The following DAGLB variants were observed in gnomAD, a reference collection of about 807,000 sequenced individuals.
DAGLB encodes diacylglycerol lipase beta, also known as diacylglycerol lipase-beta.
DAGLB carries 66 observed loss-of-function variants against 72.1 expected under a neutral mutation model. That is an observed-to-expected ratio of 0.92 (90% CI 0.75 to 1.12). The LOEUF is 1.12. DAGLB is among the 50% of genes most tolerant of loss of function. The probability of loss-of-function intolerance (pLI) is 0.00; values close to 1 mark genes in which losing one functional copy is unlikely to be tolerated. For synonymous variants in DAGLB, 414 were observed against 359.5 expected, an observed-to-expected ratio of 1.15 and a Z score of -1.71; for missense variants, 1,065 against 884.9, an observed-to-expected ratio of 1.20 and a Z score of -2.58.
At position 6,441,426 on chromosome 7, in the gene DAGLB, T is replaced by C. The variant is rs34580260; in HGVS notation, c.247+4527A>G. 3.5e-3 allele frequency among the ~76,000 whole-genome samples: 517 copies of C among 146,768 alleles called. 1 individual carries two copies. Among genetic ancestry groups the C allele is most frequent in the Non-Finnish European group, 5.2e-3 (346 of 66,710 alleles). The stretch of plus-strand genomic sequence containing the variant: ...AATTAAACAAACATTTTTTTCTTTT[T>C]TTTTTTTTTGAGACAGAGTCTCACT... On this transcript the variant is annotated intron_variant, in intron 2 of 14. Transcript: ENST00000297056.
At chr7:6,435,124 G>A (rs759531989) in intron 3 of DAGLB, 104 bp from the exon 4 acceptor site, 2 of 1,505,884 alleles carry the variant, frequency 1.3e-6, no homozygotes, top group Non-Finnish European at 1.8e-6. Flanking sequence ...CTCTACCACG[G>A]AGGGTTCTGT....
chr7:6,430,782 TCA>T (rs1209318389), intron 5 of DAGLB, among the ~76,000 whole-genome samples, 175 bp from the exon 6 acceptor site: 9 of 150,496 alleles, frequency 6.0e-5, no homozygotes, highest in African/African-American at 2.2e-4. Flanking sequence ...CATGGACTCC[TCA>T]TTTTTTTTTT....
chr7:6,409,664 C>T lies in DAGLB; in HGVS notation c.*173G>A. The T allele has an allele frequency of 1.3e-6, 1 of 786,698 alleles. No homozygotes were observed. The highest frequency in any genetic ancestry group is 2.0e-6 in the Non-Finnish European group (1 of 504,672). The allele number at this position is 786,698 out of a possible 1,614,324, so 48.7% of individuals were successfully genotyped here. On this transcript the variant is annotated 3_prime_UTR_variant, in exon 15 of 15. Coordinates refer to ENST00000297056, the MANE Select transcript of DAGLB (RefSeq NM_139179.4). Reference sequence around the variant, plus strand: ...TCACTACTTCTGCTACCATTATGGCCACAATGACTTCCCATAAACTTAAGT... The same window carrying T: ...TCACTACTTCTGCTACCATTATGGCTACAATGACTTCCCATAAACTTAAGT...
chr7:6,446,347 G>T (rs1356837960), intron 1 of DAGLB, among the ~76,000 whole-genome samples: 3 of 149,852 alleles, frequency 2.0e-5, no homozygotes, highest in African/African-American at 7.3e-5. Context: ...GCGTAGTGGT[G>T]CGCACCTGTA....
intron 6 of DAGLB, among the ~76,000 whole-genome samples, chr7:6,426,752 A>G (rs1196108457): frequency 6.6e-6 from 1 of 152,170 alleles, no homozygotes; most frequent in African/African-American, 2.4e-5. Flanking sequence ...AGCACAGCCA[A>G]CTCCGTAGAA....
At chr7:6,413,700 G>A (rs984089859) in intron 11 of DAGLB, among the ~76,000 whole-genome samples, 2 of 151,630 alleles carry the variant, frequency 1.3e-5, no homozygotes, top group African/African-American at 4.8e-5. Context: ...ATTCACTGCG[G>A]CAGAACCTGC....
At position 6,421,033 on chromosome 7, in the gene DAGLB, T is replaced by C. The variant is rs375874591; in HGVS notation, c.1218+694A>G. Among the ~76,000 whole-genome samples the C allele has an allele frequency of 7.2e-5, 11 of 152,314 alleles. No homozygotes were observed. In the East Asian group the frequency reaches 1.2e-3, roughly 16 times the overall value. Reference sequence around the variant, plus strand: ...GAATGAATTCAGAGGCTGGGTGTGGTGGCTCACGCCCGTAATCCCAATACT... The same window carrying C: ...GAATGAATTCAGAGGCTGGGTGTGGCGGCTCACGCCCGTAATCCCAATACT... On this transcript the variant is annotated intron_variant, in intron 9 of 14. Coordinates refer to ENST00000297056, the MANE Select transcript of DAGLB (RefSeq NM_139179.4).
chr7:6,424,293 T>C (rs1784230603), intron 8 of DAGLB, among the ~76,000 whole-genome samples: 1 of 152,158 alleles, frequency 6.6e-6, no homozygotes, highest in South Asian at 2.1e-4. Flanking sequence ...TGACCTCACC[T>C]GGAGAACGGC....
At chr7:6,429,366 G>A (rs1784408398) in intron 6 of DAGLB, among the ~76,000 whole-genome samples, 1 of 151,810 alleles carries the variant, frequency 6.6e-6, no homozygotes, top group Non-Finnish European at 1.5e-5. Context: ...TATCATGAAA[G>A]GAAAGAACGG....
intron 6 of DAGLB, among the ~76,000 whole-genome samples, chr7:6,428,844 A>G (rs1182606977): frequency 6.6e-6 from 1 of 151,542 alleles, no homozygotes; most frequent in Non-Finnish European, 1.5e-5. Context: ...TTGCTCTGTC[A>G]CTCAGGCTGG....
intron 8 of DAGLB, among the ~76,000 whole-genome samples, chr7:6,423,033 C>G (rs1029577395): frequency 1.3e-5 from 2 of 152,178 alleles, no homozygotes; most frequent in African/African-American, 4.8e-5. Context: ...GAGTGGATGG[C>G]TACAGCCCAG....
At chr7:6,435,148 G>T in intron 3 of DAGLB, 128 bp from the exon 4 acceptor site, 2 of 1,383,748 alleles carry the variant, frequency 1.4e-6, no homozygotes, top group Non-Finnish European at 1.9e-6. Context: ...CGAGGAAGAT[G>T]CAGCTCTCCT....
intron 11 of DAGLB, 23 bp from the exon 12 acceptor site, chr7:6,413,057 G>A (rs1052013040): frequency 5.0e-6 from 8 of 1,608,620 alleles, no homozygotes; most frequent in African/African-American, 4.0e-5. Flanking sequence ...ACAGAGAGAG[G>A]ATGTTAGCTT....
At position 6,424,777 on chromosome 7, in the gene DAGLB, G is replaced by C. The variant is rs1562482865; in HGVS notation, c.1115C>G (p.Ala372Gly). ...LDHRKESVVV[A>G]VRGTMSLQDV... is the part of the protein sequence containing the mutation. ...CTGCAGAGACATGGTCCCCCTCACA[G>C]CGACCACAACAGACTCTTTCCTGTG... is the stretch of plus-strand genomic sequence containing the variant. The change falls in exon 8 of 15, where the codon GCT becomes GGT. Residue 372 changes from alanine (A) to glycine (G), a missense_variant. Ala to Gly is a moderately conservative substitution (Grantham distance 60). Coordinates refer to ENST00000297056, the MANE Select transcript of DAGLB (RefSeq NM_139179.4). 1 of 1,613,734 alleles carries C rather than the reference G, an allele frequency of 6.2e-7. No homozygotes were observed. The highest frequency in any genetic ancestry group is 1.7e-5 in the Admixed American group (1 of 59,982).
chr7:6,433,385 A>C (rs1352515055), intron 4 of DAGLB, among the ~76,000 whole-genome samples: 1 of 152,170 alleles, frequency 6.6e-6, no homozygotes, highest in Non-Finnish European at 1.5e-5. Flanking sequence ...GATTTATGAG[A>C]CTAAACTCAT....
At chr7:6,436,304 G>A in intron 3 of DAGLB, 58 bp downstream of exon 3, 1 of 1,555,874 alleles carries the variant, frequency 6.4e-7, no homozygotes, top group African/African-American at 1.4e-5. Context: ...TGTTAGAAGG[G>A]TTTGTTCACC....
intron 7 of DAGLB, 87 bp downstream of exon 7, chr7:6,425,892 TGAATTACGG>T (rs1784296124): frequency 6.4e-7 from 1 of 1,568,396 alleles, no homozygotes; most frequent in Non-Finnish European, 8.7e-7. Flanking sequence ...TGTGTGTCTA[TGAATTACGG>T]GAAGAATAAT....
rs771263800 is a variant in DAGLB, at chr7:6,416,719, C to T, written c.1335G>A (p.Gly445=). The T allele has an allele frequency of 1.7e-5, 28 of 1,613,566 alleles. No homozygotes were observed. The highest frequency in any genetic ancestry group is 2.3e-5 in the Non-Finnish European group (27 of 1,179,830). The change falls in exon 11 of 15, where the codon GGG becomes GGA. Residue 445 remains glycine (G), a synonymous_variant. Coordinates refer to ENST00000297056, the MANE Select transcript of DAGLB (RefSeq NM_139179.4). Reference sequence around the variant, plus strand: ...TGGCCAGCAGGGCGGCCGCCCCGCCCCCGAGGCTGTGGCCCACTATGACCA... The same window carrying T: ...TGGCCAGCAGGGCGGCCGCCCCGCCTCCGAGGCTGTGGCCCACTATGACCA... ...YRLVIVGHSL[G]GGAAALLATM...
At position 6,424,366 on chromosome 7, in the gene DAGLB, G is replaced by A. The variant is rs1031295233; in HGVS notation, c.1140+386C>T. On this transcript the variant is annotated intron_variant, in intron 8 of 14. Transcript: ENST00000297056. Reference sequence around the variant, plus strand: ...TCCAGCGGGGCTGGTGGCCAGGGGCGTGACTCTCTGCAGCAAGACTGACTC... The same window carrying A: ...TCCAGCGGGGCTGGTGGCCAGGGGCATGACTCTCTGCAGCAAGACTGACTC... Among the ~76,000 whole-genome samples, 9 of 152,096 alleles carry A rather than the reference G, an allele frequency of 5.9e-5. No individual in the cohort carries two copies. The South Asian group carries it at 8.3e-4, about 14-fold the overall frequency.
Sources: gnomAD v4.1 joint callset for allele counts (sites outside exome capture counted in the v4.1 genomes callset) on GRCh38, gnomAD v4.1.1 for gene constraint, MANE v1.5 for transcripts, NCBI Gene and HGNC (gene_info 2026-07-23, HGNC 2026-07-21) for gene names.